The following ATP8A1 variants were observed in gnomAD, a reference collection of about 807,000 sequenced individuals.
The protein encoded by ATP8A1 is phospholipid-transporting ATPase IA.
A neutral mutation model predicts 177.7 loss-of-function variants in ATP8A1; 90 were observed. The ratio of observed to expected loss-of-function variants is 0.51; its 90% confidence interval spans 0.43 to 0.60. The LOEUF is 0.60. Ranked by LOEUF, ATP8A1 falls within the 20% of genes least tolerant of loss-of-function variation. The pLI is 0.00. For missense variants in ATP8A1, 1,072 were observed against 1,392.8 expected (o/e 0.77, Z 3.67); for synonymous variants, 493 against 485.9 (o/e 1.01, Z -0.19).
chr4:42,556,124 T>A (rs1244743432), intron 15 of ATP8A1, 84 bp from the exon 16 acceptor site: 1 of 931,028 alleles, frequency 1.1e-6, no homozygotes, highest in Non-Finnish European at 1.6e-6. Flanking sequence ...ATGAGTAAAG[T>A]GTTATGTCTC....
chr4:42,426,380 C>G (rs1180040331), intron 33 of ATP8A1, among the ~76,000 whole-genome samples: 1 of 152,188 alleles, frequency 6.6e-6, no homozygotes, highest in East Asian at 1.9e-4. Context: ...TGCTGTGACT[C>G]TTACTCATGG....
chr4:42,519,614 T>C (rs138407470), intron 22 of ATP8A1, among the ~76,000 whole-genome samples: 1 of 152,290 alleles, frequency 6.6e-6, no homozygotes, highest in South Asian at 2.1e-4. Flanking sequence ...TGCATGAGCA[T>C]GTAAACATGA....
In ATP8A1 at chr4:42,556,023, C is replaced by T. The variant is rs1730198869; in HGVS notation, c.1358G>A (p.Gly453Glu). 1 of 1,611,480 alleles carries T rather than the reference C, an allele frequency of 6.2e-7. No homozygotes were observed. Among genetic ancestry groups the T allele is most frequent in the East Asian group, 2.2e-5 (1 of 44,640 alleles). ...SPDEWQNSQF[G>E]DEKTFSDSSL... The stretch of plus-strand genomic sequence containing the variant: ...TGAATCACTAAATGTTTTTTCATCT[C>T]CAAACTGTGAGTTCTGCCTGAAGGG... The change falls in exon 16 of 37, where the codon GGA (glycine) becomes GAA (glutamate). Residue 453 changes from glycine (G) to glutamate (E), a missense_variant. Transcript: ENST00000381668.
At chr4:42,611,274 G>A (rs1268272313) in intron 5 of ATP8A1, among the ~76,000 whole-genome samples, 2 of 152,078 alleles carry the variant, frequency 1.3e-5, no homozygotes, top group African/African-American at 4.8e-5. Context: ...AATATGAGTC[G>A]ATTTATTATT....
intron 5 of ATP8A1, among the ~76,000 whole-genome samples, chr4:42,601,033 CTTTTT>C (rs36117571): frequency 2.0e-4 from 20 of 102,430 alleles, no homozygotes; most frequent in Non-Finnish European, 3.2e-4. Flanking sequence ...CCCAAATTTT[CTTTTT>C]TTTTTTTTTT....
chr4:42,552,242 A>T (rs2153211292), intron 17 of ATP8A1, among the ~76,000 whole-genome samples: 1 of 152,348 alleles, frequency 6.6e-6, no homozygotes, highest in Non-Finnish European at 1.5e-5. Flanking sequence ...TGTATGTAAA[A>T]AAGTACATTT....
At chr4:42,477,738 T>A (rs541408152) in intron 25 of ATP8A1, among the ~76,000 whole-genome samples, 50 of 150,684 alleles carry the variant, frequency 3.3e-4, no homozygotes, top group African/African-American at 1.1e-3. Context: ...TTGGGAGGTC[T>A]AGGTGGGAGG....
intron 1 of ATP8A1, among the ~76,000 whole-genome samples, chr4:42,636,334 T>C (rs893762821): frequency 2.0e-5 from 3 of 152,062 alleles, no homozygotes; most frequent in African/African-American, 7.2e-5. Flanking sequence ...ATGTTCTGCA[T>C]TGTTAGAGCA....
intron 30 of ATP8A1, among the ~76,000 whole-genome samples, chr4:42,448,050 TA>T (rs1717475614): frequency 6.6e-6 from 1 of 152,294 alleles, no homozygotes; most frequent in African/African-American, 2.4e-5. Context: ...TTTACCAAAT[TA>T]GAAATTAAAA....
rs2153199448 is a variant in ATP8A1, at chr4:42,524,794, G to C, written c.1776C>G (p.Thr592=). The part of the protein sequence containing the change: ...LAETSKYKEI[T]LKHLEQFATE... ...TAGCAAACTGCTCTAAATGTTTTAGGGTAATTTCTTTGTATTTTGACGTCT... is the reference window on the plus strand; with the variant it reads ...TAGCAAACTGCTCTAAATGTTTTAGCGTAATTTCTTTGTATTTTGACGTCT... The change falls in exon 21 of 37, where the codon ACC becomes ACG. Residue 592 remains threonine (T), a synonymous_variant. Coordinates refer to ENST00000381668, the MANE Select transcript of ATP8A1 (RefSeq NM_006095.2). 1.9e-6 allele frequency: 3 copies of C among 1,608,752 alleles called. No homozygotes were observed. The East Asian group carries it at 6.7e-5, about 36-fold the overall frequency.
At chr4:42,491,963 C>T (rs142522263) in intron 24 of ATP8A1, among the ~76,000 whole-genome samples, 4 of 152,002 alleles carry the variant, frequency 2.6e-5, no homozygotes, top group Admixed American at 6.5e-5. Flanking sequence ...AGAGCAGAGA[C>T]GAGGTGAAAA....
intron 25 of ATP8A1, among the ~76,000 whole-genome samples, chr4:42,479,841 G>T (rs903892097): frequency 6.6e-6 from 1 of 152,184 alleles, no homozygotes; most frequent in African/African-American, 2.4e-5. Context: ...CAACTAAAGG[G>T]AGCATGAGGG....
intron 33 of ATP8A1, among the ~76,000 whole-genome samples, chr4:42,439,317 G>A (rs1243806118): frequency 6.6e-6 from 1 of 152,186 alleles, no homozygotes; most frequent in Non-Finnish European, 1.5e-5. Context: ...TCATCTGCCT[G>A]GCCTGGGAAG....
chr4:42,635,443 A>G (rs1382159925), intron 1 of ATP8A1, among the ~76,000 whole-genome samples: 1 of 152,018 alleles, frequency 6.6e-6, no homozygotes, highest in African/African-American at 2.4e-5. Context: ...AAGGGACCAT[A>G]TTAGCTGCTC....
chr4:42,571,455 A>C (rs1197209230), intron 14 of ATP8A1, among the ~76,000 whole-genome samples: 1 of 149,058 alleles, frequency 6.7e-6, no homozygotes, highest in Non-Finnish European at 1.5e-5. Flanking sequence ...TTATTCTAAA[A>C]GGTCTAAATT....
chr4:42,597,926 T>C (rs577269975), intron 6 of ATP8A1, among the ~76,000 whole-genome samples: 2 of 152,282 alleles, frequency 1.3e-5, no homozygotes, highest in East Asian at 3.9e-4. Context: ...TTGAATATTA[T>C]ACTGAGTCTG....
chr4:42,622,145 G>A (rs1461635497), intron 4 of ATP8A1, among the ~76,000 whole-genome samples: 1 of 152,036 alleles, frequency 6.6e-6, no homozygotes, highest in Non-Finnish European at 1.5e-5. Flanking sequence ...GGAGGCCAAG[G>A]TGGGTGGATC....
intron 33 of ATP8A1, among the ~76,000 whole-genome samples, chr4:42,438,874 A>G (rs777609155): frequency 2.0e-5 from 3 of 152,198 alleles, no homozygotes; most frequent in Non-Finnish European, 2.9e-5. Flanking sequence ...ACATGAGTTT[A>G]GCGAAAACAA....
intron 24 of ATP8A1, among the ~76,000 whole-genome samples, chr4:42,493,054 C>T (rs935131452): frequency 3.9e-5 from 6 of 152,176 alleles, no homozygotes; most frequent in African/African-American, 1.2e-4. Context: ...CAGACACATG[C>T]GAATTACCAG....
Sources: gnomAD v4.1 joint callset for allele counts (sites outside exome capture counted in the v4.1 genomes callset) on GRCh38, gnomAD v4.1.1 for gene constraint, MANE v1.5 for transcripts, NCBI Gene and HGNC (gene_info 2026-07-23, HGNC 2026-07-21) for gene names.